The following PRR5L variants were observed in gnomAD, a reference collection of about 807,000 sequenced individuals.
PRR5L encodes the protein proline-rich protein 5-like.
PRR5L carries 21 observed loss-of-function variants against 36.4 expected under a neutral mutation model. That is an observed-to-expected ratio of 0.58 (90% CI 0.41 to 0.83). The LOEUF (loss-of-function observed/expected upper bound fraction) is 0.83. Among genes scored for constraint, PRR5L ranks in the 40% least tolerant of loss-of-function variants. The probability of loss-of-function intolerance (pLI) is 0.00; values close to 1 mark genes in which losing one functional copy is unlikely to be tolerated. For missense variants in PRR5L, 381 were observed against 473.3 expected, an observed-to-expected ratio of 0.80 and a Z score of 1.81; for synonymous variants, 188 against 197.0, an observed-to-expected ratio of 0.95 and a Z score of 0.38.
intron 1 of PRR5L, among the ~76,000 whole-genome samples, chr11:36,393,199 G>T (rs865781960): frequency 6.6e-6 from 1 of 152,108 alleles, no homozygotes; most frequent in South Asian, 2.1e-4. Flanking sequence ...GATCTCATTT[G>T]TCCATTTTTG....
chr11:36,432,876 A>G (rs2133600782), intron 5 of PRR5L, among the ~76,000 whole-genome samples: 1 of 152,308 alleles, frequency 6.6e-6, no homozygotes, highest in East Asian at 1.9e-4. Context: ...AAGACAAAGT[A>G]GGAAGGAAAA....
chr11:36,347,717 T>C (rs1158034590), intron 1 of PRR5L, among the ~76,000 whole-genome samples: 3 of 151,600 alleles, frequency 2.0e-5, no homozygotes, highest in African/African-American at 4.8e-5. Flanking sequence ...ACCACTGATA[T>C]CCACTTCTTG....
At chr11:36,311,675 C>G (rs983407155) in intron 1 of PRR5L, among the ~76,000 whole-genome samples, 4 of 152,134 alleles carry the variant, frequency 2.6e-5, no homozygotes, top group Non-Finnish European at 4.4e-5. Context: ...TCTCCTGGCA[C>G]AGTAAGATCT....
At chr11:36,318,948 T>C (rs563196494) in intron 1 of PRR5L, among the ~76,000 whole-genome samples, 2 of 152,200 alleles carry the variant, frequency 1.3e-5, no homozygotes, top group Admixed American at 6.5e-5. Context: ...CTTTTCTCGA[T>C]TTTTTACTAG....
At chr11:36,331,859 G>A (rs1856722692) in intron 1 of PRR5L, among the ~76,000 whole-genome samples, 1 of 152,102 alleles carries the variant, frequency 6.6e-6, no homozygotes, top group African/African-American at 2.4e-5. Context: ...TATTAGTCAG[G>A]GTTCTCCAGA....
rs1382920057 is a variant in PRR5L, at chr11:36,464,381, T to C, written c.*1645T>C. The C allele has an allele frequency of 6.6e-6, 1 of 152,176 alleles. No individual in the cohort carries two copies. Among genetic ancestry groups the C allele is most frequent in the African/African-American group, 2.4e-5 (1 of 41,426 alleles). 9.4% of individuals were successfully genotyped at this position (152,176 alleles called of 1,614,324 possible). A position where few individuals can be genotyped will look rare whatever the true frequency, so the allele number is the denominator to read the frequency against. Reference sequence around the variant, plus strand: ...TGGCATTTCCCTTCTGAGTGAAGATTTGAAATATGATTGATTAGAATTGTG... The same window carrying C: ...TGGCATTTCCCTTCTGAGTGAAGATCTGAAATATGATTGATTAGAATTGTG... On this transcript the variant is annotated 3_prime_UTR_variant, in exon 9 of 9. Coordinates refer to ENST00000530639, the MANE Select transcript of PRR5L (RefSeq NM_001160167.2).
At chr11:36,358,544 G>T (rs749239679) in intron 1 of PRR5L, among the ~76,000 whole-genome samples, 16 of 152,180 alleles carry the variant, frequency 1.1e-4, no homozygotes. Flanking sequence ...CTACGGTATA[G>T]TATAAGCATA....
intron 1 of PRR5L, among the ~76,000 whole-genome samples, chr11:36,320,396 G>A (rs1031489375): frequency 5.9e-5 from 7 of 118,740 alleles, no homozygotes; most frequent in East Asian, 2.7e-4. Context: ...GGTGCCTGCC[G>A]CCACACGCAG....
intron 6 of PRR5L, among the ~76,000 whole-genome samples, chr11:36,439,666 G>A (rs561944525): frequency 6.6e-6 from 1 of 152,276 alleles, no homozygotes; most frequent in South Asian, 2.1e-4. Flanking sequence ...CCGGGGAGGT[G>A]GCGAAGATCT....
At chr11:36,301,603 G>C (rs965669115) in intron 1 of PRR5L, among the ~76,000 whole-genome samples, 1 of 152,124 alleles carries the variant, frequency 6.6e-6, no homozygotes, top group African/African-American at 2.4e-5. Context: ...AGTGGGGCAT[G>C]GGGGGTCGGG....
chr11:36,412,207 C>T (rs1015781344), intron 3 of PRR5L, among the ~76,000 whole-genome samples: 22 of 152,126 alleles, frequency 1.4e-4, no homozygotes, highest in Non-Finnish European at 2.6e-4. Flanking sequence ...CTTGTTATCT[C>T]TGGCCTGTGC....
intron 1 of PRR5L, among the ~76,000 whole-genome samples, chr11:36,335,210 G>A (rs1856757056): frequency 6.6e-6 from 1 of 151,998 alleles, no homozygotes; most frequent in Non-Finnish European, 1.5e-5. Context: ...AACTACAGGT[G>A]CACGCCATTA....
In PRR5L at chr11:36,405,757, G is replaced by A. The variant is rs1857896673; in HGVS notation, c.245+2379G>A. On this transcript the variant is annotated intron_variant, in intron 3 of 8. Transcript: ENST00000530639. The stretch of plus-strand genomic sequence containing the variant: ...TTCTCAATGTCCTGGAGGCTGGGAA[G>A]TCCAAGATCAAGGTGCCGGTCATTT... Among the ~76,000 whole-genome samples, 4 of 152,184 alleles carry A rather than the reference G, an allele frequency of 2.6e-5. No homozygotes were observed. The South Asian group carries it at 8.3e-4, about 32-fold the overall frequency.
intron 1 of PRR5L, among the ~76,000 whole-genome samples, chr11:36,392,474 C>T (rs1857582010): frequency 2.0e-5 from 3 of 152,198 alleles, no homozygotes. Context: ...TCCTCACCGG[C>T]ATTTGCTATT....
intron 3 of PRR5L, among the ~76,000 whole-genome samples, chr11:36,405,090 T>C (rs12292945): frequency 0.048 from 7,263 of 152,232 alleles, 236 homozygotes; most frequent in African/African-American, 0.088. Context: ...AAAGCTCTGT[T>C]TGTGGACAGC....
chr11:36,404,941 A>G (rs1338057148), intron 3 of PRR5L, among the ~76,000 whole-genome samples: 3 of 152,176 alleles, frequency 2.0e-5, no homozygotes, highest in African/African-American at 7.2e-5. Flanking sequence ...GCGAAGTTTC[A>G]TTTTTCTCCA....
chr11:36,374,103 TTC>T (rs749519902), intron 1 of PRR5L, among the ~76,000 whole-genome samples: 5,498 of 77,718 alleles, frequency 0.071, 123 homozygotes, highest in African/African-American at 0.11. Flanking sequence ...CCTTCCTTCC[TTC>T]CTCTCTCTCT....
intron 1 of PRR5L, among the ~76,000 whole-genome samples, chr11:36,360,035 A>T (rs1590481857): frequency 1.5e-3 from 1 of 668 alleles, no homozygotes; most frequent in Non-Finnish European, 3.4e-3. Context: ...AGACTCTGTC[A>T]CACACACACA....
At chr11:36,376,142 A>C (rs776377483) in intron 1 of PRR5L, 1 of 1,304,216 alleles carries the variant, frequency 7.7e-7, no homozygotes, top group South Asian at 1.2e-5. Flanking sequence ...GGATTTCCTG[A>C]AATTGTTGAA....
Sources: gnomAD v4.1 joint callset for allele counts (sites outside exome capture counted in the v4.1 genomes callset) on GRCh38, gnomAD v4.1.1 for gene constraint, MANE v1.5 for transcripts, NCBI Gene and HGNC (gene_info 2026-07-23, HGNC 2026-07-21) for gene names.